Variants in DENND1A observed in about 807,000 individuals in gnomAD.
DENND1A encodes DENN domain containing 1A.
DENND1A carries 51 observed loss-of-function variants against 113.7 expected under a neutral mutation model. The observed-to-expected ratio is 0.45, with a 90% confidence interval of 0.36 to 0.57. The LOEUF is 0.57. DENND1A is among the 20% of genes least tolerant of loss of function. The pLI is 0.00. For missense variants in DENND1A, 1,258 were observed against 1,395.9 expected, an observed-to-expected ratio of 0.90 and a Z score of 1.57; for synonymous variants, 565 against 570.8, an observed-to-expected ratio of 0.99 and a Z score of 0.14.
At chr9:123,843,920 A>C (rs1401629500) in intron 2 of DENND1A, among the ~76,000 whole-genome samples, 1 of 152,222 alleles carries the variant, frequency 6.6e-6, no homozygotes, top group Non-Finnish European at 1.5e-5. Context: ...TTAACGTCCA[A>C]AAATAGATTA....
intron 1 of DENND1A, among the ~76,000 whole-genome samples, chr9:123,909,759 C>T (rs1310855446): frequency 6.6e-6 from 1 of 151,978 alleles, no homozygotes; most frequent in Non-Finnish European, 1.5e-5. Flanking sequence ...TTGTCATTCA[C>T]AGAAAACCTG....
intron 12 of DENND1A, among the ~76,000 whole-genome samples, chr9:123,568,489 T>G (rs546343958): frequency 1.4e-3 from 214 of 152,326 alleles, no homozygotes; most frequent in Non-Finnish European, 2.6e-3. Context: ...TATTTTAGCA[T>G]CGAAAAGAAT....
intron 2 of DENND1A, among the ~76,000 whole-genome samples, chr9:123,845,056 CA>C (rs1356958276): frequency 2.6e-5 from 4 of 151,660 alleles, no homozygotes; most frequent in Non-Finnish European, 5.9e-5. Flanking sequence ...CCATCTCTAC[CA>C]AAAATACAAA....
Position 123,415,340 on chromosome 9 carries a change from G to A in DENND1A, c.1489-3511C>T, listed in dbSNP as rs114509727. Among the ~76,000 whole-genome samples, 1,006 of 152,282 alleles carry A rather than the reference G, an allele frequency of 6.6e-3. 8 individuals are homozygous for A. Among genetic ancestry groups the A allele is most frequent in the African/African-American group, 0.023 (970 of 41,538 alleles). ...CCGACCCTGGGCTTGTTATGATGCT[G>A]GAGCATATGATGGGGACACCTCCTG... is the stretch of plus-strand genomic sequence containing the variant. On this transcript the variant is annotated intron_variant, in intron 19 of 23. Coordinates refer to ENST00000394215, the MANE Select transcript of DENND1A (RefSeq NM_001352964.2).
chr9:123,381,564 A>G lies in DENND1A; in HGVS notation c.3081T>C (p.Ala1027=). The change falls in exon 24 of 24, where the codon GCT becomes GCC. Residue 1027 remains alanine (A), a synonymous_variant. Coordinates refer to ENST00000394215, the MANE Select transcript of DENND1A (RefSeq NM_001352964.2). This position sits in a 1 kb window ranked among gnomAD's most constrained non-coding sequence, Gnocchi z 4.7. ...CAAAGGGGTCTCTGGCCTGTTGAGG[A>G]GCAGAGGGCTGCAGTGTTGGCTCCA... ...QGLEPTLQPS[A]PQQARDPFED... is the part of the protein sequence containing the mutation. 6.2e-7 allele frequency: 1 copy of G among 1,613,482 alleles called. No homozygotes were observed. The highest frequency in any genetic ancestry group is 1.7e-5 in the Admixed American group (1 of 60,004).
intron 9 of DENND1A, among the ~76,000 whole-genome samples, chr9:123,648,970 C>A (rs2062494538): frequency 6.6e-6 from 1 of 152,154 alleles, no homozygotes; most frequent in South Asian, 2.1e-4. Context: ...ATATGTGTAT[C>A]CTCATCCCAT....
chr9:123,811,351 T>C (rs1836570824), intron 2 of DENND1A, among the ~76,000 whole-genome samples: 1 of 152,260 alleles, frequency 6.6e-6, no homozygotes, highest in Non-Finnish European at 1.5e-5. Context: ...CAGTCTCCTA[T>C]AATTGATAAC....
chr9:123,855,486 G>A (rs1170376341), intron 2 of DENND1A, among the ~76,000 whole-genome samples: 1 of 152,154 alleles, frequency 6.6e-6, no homozygotes, highest in Non-Finnish European at 1.5e-5. Flanking sequence ...CCTAAGGTAT[G>A]AAAGAAAATA....
intron 13 of DENND1A, among the ~76,000 whole-genome samples, chr9:123,542,174 C>A (rs1049993338): frequency 6.6e-6 from 1 of 152,182 alleles, no homozygotes; most frequent in Admixed American, 6.5e-5. Flanking sequence ...TAGCTCCAGG[C>A]TAAGCCCATA....
intron 2 of DENND1A, among the ~76,000 whole-genome samples, chr9:123,868,944 A>G (rs912524699): frequency 6.6e-6 from 1 of 152,240 alleles, no homozygotes; most frequent in East Asian, 1.9e-4. Flanking sequence ...GGGATATACA[A>G]TTAACGTAAA....
intron 2 of DENND1A, among the ~76,000 whole-genome samples, chr9:123,873,577 T>C (rs944912423): frequency 4.6e-5 from 7 of 152,230 alleles, no homozygotes; most frequent in African/African-American, 1.7e-4. Context: ...ATGTTTTAAG[T>C]ACAGACATAG....
At chr9:123,810,710 G>C (rs1464784777) in intron 2 of DENND1A, among the ~76,000 whole-genome samples, 1 of 151,050 alleles carries the variant, frequency 6.6e-6, no homozygotes, top group East Asian at 1.9e-4. Context: ...GGACAAACTT[G>C]ATCTAGAATT....
At chr9:123,777,491 G>A (rs1433300414) in intron 3 of DENND1A, among the ~76,000 whole-genome samples, 1 of 152,196 alleles carries the variant, frequency 6.6e-6, no homozygotes. Context: ...ACATACATAA[G>A]TACAAAATTA....
chr9:123,669,387 C>T (rs2063650322), intron 7 of DENND1A, among the ~76,000 whole-genome samples: 1 of 152,202 alleles, frequency 6.6e-6, no homozygotes, highest in Non-Finnish European at 1.5e-5. Context: ...ACCAAGTAGT[C>T]CCCAGGCTGT....
intron 11 of DENND1A, among the ~76,000 whole-genome samples, chr9:123,596,500 C>A (rs942376887): frequency 6.6e-6 from 1 of 152,184 alleles, no homozygotes; most frequent in Non-Finnish European, 1.5e-5. Flanking sequence ...AGAAGAACAA[C>A]CTGAAGCTCC....
rs143566847 is a variant in DENND1A, at chr9:123,870,762, G to A, written c.88+8189C>T. Among the ~76,000 whole-genome samples the A allele has an allele frequency of 3.1e-3, 465 of 152,066 alleles. 18 individuals carry two copies. In the East Asian group the frequency reaches 0.064, roughly 21 times the overall value. ...ACCAGCTATTTTTTCATGGTTCTAC[G>A]ACTTTGTGGTTGTCCAACCTGGGCA... On this transcript the variant is annotated intron_variant, in intron 2 of 23. Transcript: ENST00000394215.
chr9:123,395,358 G>C (rs777415389), intron 21 of DENND1A, among the ~76,000 whole-genome samples: 2 of 152,096 alleles, frequency 1.3e-5, no homozygotes, highest in African/African-American at 4.8e-5. Context: ...TCCTGGGTGG[G>C]CAGAAGTGAG....
At chr9:123,514,510 G>A (rs958716811) in intron 13 of DENND1A, among the ~76,000 whole-genome samples, 10 of 152,166 alleles carry the variant, frequency 6.6e-5, no homozygotes, top group Non-Finnish European at 1.0e-4. Flanking sequence ...GAGTCAGGGA[G>A]GGCAAGGAGA....
At chr9:123,752,961 G>A (rs975373725) in intron 5 of DENND1A, among the ~76,000 whole-genome samples, 1 of 152,174 alleles carries the variant, frequency 6.6e-6, no homozygotes, top group Non-Finnish European at 1.5e-5. Flanking sequence ...TCTCAAGGAG[G>A]AGTAAAATTC....
Sources: gnomAD v4.1 joint callset for allele counts (sites outside exome capture counted in the v4.1 genomes callset) on GRCh38, gnomAD v4.1.1 for gene constraint, Gnocchi (gnomAD v3.1) non-coding constraint, MANE v1.5 for transcripts, NCBI Gene and HGNC (gene_info 2026-07-23, HGNC 2026-07-21) for gene names.